KLRD1: variants seen among roughly 807,000 people sequenced by gnomAD.
The protein encoded by KLRD1 is killer cell lectin like receptor D1, also known as natural killer cells antigen CD94.
KLRD1 carries 21 observed loss-of-function variants against 22.6 expected under a neutral mutation model. The observed-to-expected ratio is 0.93, with a 90% CI of 0.66 to 1.34. The LOEUF (loss-of-function observed/expected upper bound fraction) is 1.34. KLRD1 is among the 40% of genes most tolerant of loss of function. KLRD1 has a pLI of 0.00. For missense variants in KLRD1, 183 were observed against 208.6 expected (o/e 0.88, Z 0.76); for synonymous variants, 59 against 71.1 (o/e 0.83, Z 0.85).
At chr12:10,265,512 T>G (rs1284151002) in intron 1 of KLRD1, among the ~76,000 whole-genome samples, 2 of 152,158 alleles carry the variant, frequency 1.3e-5, no homozygotes, top group African/African-American at 4.8e-5. Flanking sequence ...ATCCCAGCAC[T>G]TTGGGAGGCC....
At chr12:10,255,725 A>C (rs1194444462) in intron 1 of KLRD1, among the ~76,000 whole-genome samples, 7 of 152,188 alleles carry the variant, frequency 4.6e-5, no homozygotes, top group Admixed American at 3.9e-4. Flanking sequence ...TTTTAAAATT[A>C]ATTAAGACCA....
chr12:10,311,035 A>G (rs1428940734), intron 3 of KLRD1, among the ~76,000 whole-genome samples: 1 of 152,248 alleles, frequency 6.6e-6, no homozygotes, highest in East Asian at 1.9e-4. Context: ...TGACTCAGAA[A>G]GTATGCTAAA....
chr12:10,260,425 T>A (rs1287305756), intron 1 of KLRD1, among the ~76,000 whole-genome samples: 1 of 152,200 alleles, frequency 6.6e-6, no homozygotes, highest in East Asian at 1.9e-4. Flanking sequence ...TTTGATAGTA[T>A]GTAGTTTGAT....
At chr12:10,245,591 T>C (rs1029602243) in intron 1 of KLRD1, among the ~76,000 whole-genome samples, 1 of 152,200 alleles carries the variant, frequency 6.6e-6, no homozygotes. Context: ...TACATACTAT[T>C]GTATATTGAT....
At chr12:10,259,517 G>C (rs577325632) in intron 1 of KLRD1, among the ~76,000 whole-genome samples, 1 of 152,260 alleles carries the variant, frequency 6.6e-6, no homozygotes, top group South Asian at 2.1e-4. Context: ...TGTATGTACT[G>C]TAGTAAACTT....
At chr12:10,261,035 A>T (rs947207167) in intron 1 of KLRD1, among the ~76,000 whole-genome samples, 4 of 152,088 alleles carry the variant, frequency 2.6e-5, no homozygotes, top group African/African-American at 9.7e-5. Context: ...ATTGCTCTTT[A>T]TGTGCATTTT....
chr12:10,297,044 ACTAAAGGTAATAT>A (rs1233950733), intron 1 of KLRD1, among the ~76,000 whole-genome samples: 1 of 152,228 alleles, frequency 6.6e-6, no homozygotes, highest in Non-Finnish European at 1.5e-5. Flanking sequence ...AGAGAACTGC[ACTAAAGGTAATAT>A]CTAAAGGTGT....
Position 10,317,138 on chromosome 12 carries a change from T to A in KLRD1, c.*2345T>A, listed in dbSNP as rs193212172. 2 of 152,350 alleles carry A rather than the reference T, an allele frequency of 1.3e-5. No homozygotes were observed. The highest frequency in any genetic ancestry group is 2.9e-5 in the Non-Finnish European group (2 of 68,046). The allele number at this position is 152,350 out of a possible 1,614,324, so 9.4% of individuals were successfully genotyped here. Reference sequence around the variant, plus strand: ...TCATTCTTTTTATGGCTGCATAGTATTCCATGGTGTATATGTGCCATATTT... The same window carrying A: ...TCATTCTTTTTATGGCTGCATAGTAATCCATGGTGTATATGTGCCATATTT... On this transcript the variant is annotated 3_prime_UTR_variant, in exon 6 of 6. Coordinates refer to ENST00000336164, the MANE Select transcript of KLRD1 (RefSeq NM_002262.5).
chr12:10,313,637 T>A, intron 5 of KLRD1, 124 bp downstream of exon 5: 1 of 495,464 alleles, frequency 2.0e-6, no homozygotes. Flanking sequence ...GAGAATACAG[T>A]AAAAGGAAAA....
At position 10,316,827 on chromosome 12, in the gene KLRD1, A is replaced by C. The variant is rs1383418105; in HGVS notation, c.*2034A>C. On this transcript the variant is annotated 3_prime_UTR_variant, in exon 6 of 6. Coordinates refer to ENST00000336164, the MANE Select transcript of KLRD1 (RefSeq NM_002262.5). ...CATGTGCAGAACCTGCAGGTTTGTT[A>C]CATAGGTATACATGTTCCAAGGTGG... 6.6e-6 allele frequency: 1 copy of C among 152,228 alleles called. No homozygotes were observed. Among genetic ancestry groups the C allele is most frequent in the Non-Finnish European group, 1.5e-5 (1 of 68,050 alleles). The allele number at this position is 152,228 out of a possible 1,614,324, so 9.4% of individuals were successfully genotyped here. A position where few individuals can be genotyped will look rare whatever the true frequency, so the allele number is the denominator to read the frequency against.
intron 1 of KLRD1, among the ~76,000 whole-genome samples, chr12:10,266,165 C>A (rs746603876): frequency 6.6e-6 from 1 of 152,024 alleles, no homozygotes; most frequent in Non-Finnish European, 1.5e-5. Context: ...GTCTTTCTGA[C>A]TTAATTAGGT....
intron 1 of KLRD1, among the ~76,000 whole-genome samples, chr12:10,292,949 C>A (rs950806493): frequency 6.6e-6 from 1 of 151,366 alleles, no homozygotes; most frequent in African/African-American, 2.4e-5. Flanking sequence ...GCACTTACTG[C>A]TTCACCTTGT....
In KLRD1 at chr12:10,314,923, C is replaced by A; in HGVS notation, c.*130C>A. ...AAATGTTTTTAAACAGTGTCATATA[C>A]AATTGTCATGTATGTGAAACAATGT... On this transcript the variant is annotated 3_prime_UTR_variant, in exon 6 of 6. Transcript: ENST00000336164. The A allele has an allele frequency of 1.3e-6, 1 of 791,364 alleles. No individual in the cohort carries two copies. The highest frequency in any genetic ancestry group is 2.0e-6 in the Non-Finnish European group (1 of 511,466). 49.0% of individuals were successfully genotyped at this position (791,364 alleles called of 1,614,324 possible). A position where few individuals can be genotyped will look rare whatever the true frequency, so the allele number is the denominator to read the frequency against.
chr12:10,255,075 T>G (rs960997693), intron 1 of KLRD1, among the ~76,000 whole-genome samples: 1 of 132,470 alleles, frequency 7.5e-6, no homozygotes, highest in Non-Finnish European at 1.7e-5. Flanking sequence ...ATGCCTATTA[T>G]TAAAAAGTCA....
intron 1 of KLRD1, among the ~76,000 whole-genome samples, chr12:10,251,706 G>A (rs1029740397): frequency 5.9e-5 from 9 of 151,630 alleles, no homozygotes; most frequent in African/African-American, 2.2e-4. Context: ...GTCCCATCTG[G>A]GGGTGACGGG....
At chr12:10,276,540 T>G (rs774044102) in intron 1 of KLRD1, among the ~76,000 whole-genome samples, 8 of 152,124 alleles carry the variant, frequency 5.3e-5, no homozygotes, top group Non-Finnish European at 1.2e-4. Context: ...TTTCTTTTTT[T>G]CTTTTGAATC....
chr12:10,246,918 C>A (rs754325907), intron 1 of KLRD1, among the ~76,000 whole-genome samples: 14 of 31,258 alleles, frequency 4.5e-4, no homozygotes, highest in Middle Eastern at 0.033. Flanking sequence ...TTTTCTTTTT[C>A]TTTTCTTTTC....
At position 10,317,935 on chromosome 12, in the gene KLRD1, A is replaced by G. The variant is rs1950266257; in HGVS notation, c.*3142A>G. The stretch of plus-strand genomic sequence containing the variant: ...AAAAGGAAAAATACCCTCTTATTAA[A>G]TCATCAGATCTAGTGAGAACTCACT... On this transcript the variant is annotated 3_prime_UTR_variant, in exon 6 of 6. Coordinates refer to ENST00000336164, the MANE Select transcript of KLRD1 (RefSeq NM_002262.5). 6.6e-6 allele frequency: 1 copy of G among 152,188 alleles called. No individual in the cohort carries two copies. Among genetic ancestry groups the G allele is most frequent in the Admixed American group, 6.5e-5 (1 of 15,274 alleles). 9.4% of individuals were successfully genotyped at this position (152,188 alleles called of 1,614,324 possible).
rs1421144970 is a variant in KLRD1, at chr12:10,316,167, A to T, written c.*1374A>T. ...TGAAAGGATTTGGAACCTTAATTGC[A>T]TCTGAAAAACTGCCTCACCTTTGTT... On this transcript the variant is annotated 3_prime_UTR_variant, in exon 6 of 6. Transcript: ENST00000336164. The T allele has an allele frequency of 6.7e-6, 1 of 150,318 alleles. No individual in the cohort carries two copies. The highest frequency in any genetic ancestry group is 2.5e-5 in the African/African-American group (1 of 40,788). 9.3% of individuals were successfully genotyped at this position (150,318 alleles called of 1,614,324 possible).
Sources: gnomAD v4.1 joint callset for allele counts (sites outside exome capture counted in the v4.1 genomes callset) on GRCh38, gnomAD v4.1.1 for gene constraint, MANE v1.5 for transcripts, NCBI Gene and HGNC (gene_info 2026-07-23, HGNC 2026-07-21) for gene names.